Variants in MBNL3 observed in about 807,000 individuals in gnomAD.
The protein encoded by MBNL3 is muscleblind like splicing regulator 3.
In MBNL3, 6 loss-of-function variants were observed where a neutral mutation model predicts 24.5. The ratio of observed to expected loss-of-function variants is 0.25; its 90% confidence interval spans 0.13 to 0.48. MBNL3 has a LOEUF of 0.48. Ranked by LOEUF, MBNL3 falls within the 20% of genes least tolerant of loss-of-function variation. The pLI is 0.99. For synonymous variants in MBNL3, 100 were observed against 101.7 expected, an observed-to-expected ratio of 0.98 and a Z score of 0.10; for missense variants, 230 against 293.5, an observed-to-expected ratio of 0.78 and a Z score of 1.58.
In MBNL3 at chrX:132,369,961, G is replaced by T. The variant is rs1292446754; in HGVS notation, c.*9705C>A. Reference sequence around the variant, plus strand: ...ATCCACTTTAGAATGCTGTGCTTTTGCTTTGGACATGTTTGTACAAATGGG... The same window carrying T: ...ATCCACTTTAGAATGCTGTGCTTTTTCTTTGGACATGTTTGTACAAATGGG... On this transcript the variant is annotated 3_prime_UTR_variant, in exon 9 of 9. Transcript: ENST00000370853. 1.8e-5 allele frequency: 2 copies of T among 111,804 alleles called. No individual in the cohort carries two copies. Among genetic ancestry groups the T allele is most frequent in the African/African-American group, 6.5e-5 (2 of 30,680 alleles). The allele number at this position is 111,804 out of a possible 1,213,427, so 9.2% of individuals were successfully genotyped here. A position where few individuals can be genotyped will look rare whatever the true frequency, so the allele number is the denominator to read the frequency against.
At chrX:132,403,372 A>C (rs752297622) in intron 3 of MBNL3, among the ~76,000 whole-genome samples, 1 of 111,786 alleles carries the variant, frequency 8.9e-6, no homozygotes, top group African/African-American at 3.2e-5. Flanking sequence ...CTATCATTAA[A>C]TAATCTACAA....
intron 1 of MBNL3, among the ~76,000 whole-genome samples, chrX:132,441,296 T>A (rs1945376062): frequency 8.9e-6 from 1 of 112,392 alleles, no homozygotes; most frequent in Non-Finnish European, 1.9e-5. Flanking sequence ...TGTTGTCATA[T>A]CCACTGTCAC....
chrX:132,474,642 C>T (rs1425565232), intron 1 of MBNL3, among the ~76,000 whole-genome samples: 1 of 111,696 alleles, frequency 9.0e-6, no homozygotes, highest in Admixed American at 9.5e-5. Context: ...GTAGGGCAGC[C>T]ACTCAGAACA....
At chrX:132,402,324 A>G (rs909111689) in intron 3 of MBNL3, among the ~76,000 whole-genome samples, 11 of 111,526 alleles carry the variant, frequency 9.9e-5, no homozygotes, top group Non-Finnish European at 1.7e-4. Flanking sequence ...AAAATGTCCA[A>G]ATAAAACATT....
Position 132,376,685 on chromosome X carries a change from T to A in MBNL3, c.*2981A>T, listed in dbSNP as rs930540512. On this transcript the variant is annotated 3_prime_UTR_variant, in exon 9 of 9. Transcript: ENST00000370853. The stretch of plus-strand genomic sequence containing the variant: ...TAGAGTCACTGATTAGTTTTGTGAC[T>A]TGTCTTTTTAAATGGAAATTTATAG... 7 of 112,040 alleles carry A rather than the reference T, an allele frequency of 6.2e-5. No homozygotes were observed. Among genetic ancestry groups the A allele is most frequent in the East Asian group, 5.6e-4 (2 of 3,591 alleles). The allele number at this position is 112,040 out of a possible 1,213,427, so 9.2% of individuals were successfully genotyped here. A position where few individuals can be genotyped will look rare whatever the true frequency, so the allele number is the denominator to read the frequency against.
At chrX:132,471,368 A>T (rs1947170525) in intron 1 of MBNL3, among the ~76,000 whole-genome samples, 1 of 112,534 alleles carries the variant, frequency 8.9e-6, no homozygotes, top group East Asian at 2.8e-4. Context: ...CAAATGAAAA[A>T]TTTTCACAAC....
intron 1 of MBNL3, among the ~76,000 whole-genome samples, chrX:132,457,171 G>A (rs1214395395): frequency 9.0e-6 from 1 of 111,269 alleles, no homozygotes; most frequent in Non-Finnish European, 1.9e-5. Context: ...TCAAAATCTG[G>A]AGTGTGCAAG....
intron 1 of MBNL3, among the ~76,000 whole-genome samples, chrX:132,448,148 T>TTTGC (rs1338279629): frequency 8.9e-6 from 1 of 111,874 alleles, no homozygotes; most frequent in Non-Finnish European, 1.9e-5. Context: ...CTGGATTAGG[T>TTTGC]TTGCCAGTAT....
At chrX:132,457,266 A>G (rs1946419685) in intron 1 of MBNL3, among the ~76,000 whole-genome samples, 1 of 111,902 alleles carries the variant, frequency 8.9e-6, no homozygotes, top group Non-Finnish European at 1.9e-5. Context: ...GCCTACAAAT[A>G]AAACAGGGAT....
rs753461648 is a variant in MBNL3 at position 132,384,664 on chromosome X, A to G, written c.957T>C (p.Ile319=). The part of the protein sequence containing the change: ...PILCMAPASN[I]VPMMHGATPT... ...TGATAATTTTTGTAGAAAACCTACC[A>G]ATATTTGAAGCGGGTGCCATGCACA... Residue 319 remains isoleucine (I), a splice_region_variant and synonymous_variant, in exon 7 of 9, where the codon ATT becomes ATC. Coordinates refer to ENST00000370853, the MANE Select transcript of MBNL3 (RefSeq NM_001386889.1). 8.4e-7 allele frequency: 1 copy of G among 1,197,530 alleles called. No individual in the cohort carries two copies. Among genetic ancestry groups the G allele is most frequent in the South Asian group, 1.8e-5 (1 of 54,562 alleles).
intron 1 of MBNL3, among the ~76,000 whole-genome samples, chrX:132,473,553 C>T (rs1489119069): frequency 9.0e-6 from 1 of 111,274 alleles, no homozygotes; most frequent in Non-Finnish European, 1.9e-5. Context: ...AATATTTGCA[C>T]AGTAACTTGA....
intron 2 of MBNL3, among the ~76,000 whole-genome samples, chrX:132,428,173 C>G (rs1001501998): frequency 2.7e-5 from 3 of 111,294 alleles, no homozygotes; most frequent in Non-Finnish European, 5.7e-5. Flanking sequence ...GATTCTATAG[C>G]CATATCTACT....
chrX:132,477,464 A>T (rs1947501353), intron 1 of MBNL3, among the ~76,000 whole-genome samples: 1 of 111,978 alleles, frequency 8.9e-6, no homozygotes, highest in Admixed American at 9.5e-5. Context: ...GCTCTGAAGG[A>T]TGTCCACAGG....
chrX:132,404,536 C>T (rs1298576499), intron 3 of MBNL3, among the ~76,000 whole-genome samples: 1 of 112,177 alleles, frequency 8.9e-6, no homozygotes, highest in Non-Finnish European at 1.9e-5. Flanking sequence ...AATTTACCAA[C>T]ATAATTAATC....
At chrX:132,410,619 A>G (rs1942588581) in intron 2 of MBNL3, among the ~76,000 whole-genome samples, 2 of 112,777 alleles carry the variant, frequency 1.8e-5, no homozygotes, top group African/African-American at 6.4e-5. Flanking sequence ...CACCCAAGAG[A>G]TGATTTGTTC....
chrX:132,416,987 A>C (rs951557679), intron 2 of MBNL3, among the ~76,000 whole-genome samples: 4 of 112,036 alleles, frequency 3.6e-5, no homozygotes, highest in African/African-American at 1.3e-4. Flanking sequence ...ATATCTACCA[A>C]GTATGTTAAG....
chrX:132,485,131 C>G (rs916964647), intron 1 of MBNL3, among the ~76,000 whole-genome samples: 1 of 111,605 alleles, frequency 9.0e-6, no homozygotes, highest in African/African-American at 3.3e-5. Context: ...TAATAGTTTA[C>G]AGTGAACTTT....
intron 3 of MBNL3, among the ~76,000 whole-genome samples, chrX:132,398,960 A>G (rs192664587): frequency 8.9e-6 from 1 of 111,748 alleles, no homozygotes; most frequent in East Asian, 2.8e-4. Context: ...ATATTCATCC[A>G]ACATCTTACT....
intron 6 of MBNL3, among the ~76,000 whole-genome samples, chrX:132,385,903 AAT>A (rs1935926779): frequency 9.1e-6 from 1 of 109,990 alleles, no homozygotes. Flanking sequence ...AAAAAAAAAA[AAT>A]GGAAAAAAAA....
Sources: allele counts gnomAD v4.1 joint callset (sites outside exome capture counted in the v4.1 genomes callset), GRCh38; gene constraint gnomAD v4.1.1; transcripts MANE v1.5; gene names NCBI Gene and HGNC (gene_info 2026-07-23, HGNC 2026-07-21).